Variants in GRB14 observed in about 807,000 individuals in gnomAD.
The protein encoded by GRB14 is growth factor receptor-bound protein 14.
In GRB14, 38 loss-of-function variants were observed where a neutral mutation model predicts 69.1. The observed-to-expected ratio is 0.55, with a 90% CI of 0.42 to 0.72. GRB14 has a LOEUF of 0.72. Among genes scored for constraint, GRB14 ranks in the 30% least tolerant of loss-of-function variants. The probability of loss-of-function intolerance (pLI) is 0.00; values close to 1 mark genes in which losing one functional copy is unlikely to be tolerated. For synonymous variants in GRB14, 247 were observed against 241.3 expected (o/e 1.02, Z -0.22); for missense variants, 666 against 666.1 (o/e 1.00, Z 0.00).
At chr2:164,595,863 A>T (rs374507479) in intron 2 of GRB14, among the ~76,000 whole-genome samples, 2 of 152,176 alleles carry the variant, frequency 1.3e-5, no homozygotes, top group South Asian at 2.1e-4. Flanking sequence ...CAGAGGCTCA[A>T]GCCTGTAATC....
intron 2 of GRB14, among the ~76,000 whole-genome samples, chr2:164,556,402 GTTAAA>G (rs904312093): frequency 6.6e-6 from 1 of 152,172 alleles, no homozygotes; most frequent in Non-Finnish European, 1.5e-5. Flanking sequence ...AACAGTACAT[GTTAAA>G]TTAGTTATAA....
In GRB14 at chr2:164,547,800, C is replaced by T; in HGVS notation, c.341G>A (p.Ser114Asn). 6.2e-7 allele frequency: 1 copy of T among 1,611,968 alleles called. No individual in the cohort carries two copies. Among genetic ancestry groups the T allele is most frequent in the Non-Finnish European group, 8.5e-7 (1 of 1,178,728 alleles). The change falls in exon 3 of 14, where the codon AGT (serine) becomes AAT (asparagine). Residue 114 changes from serine to asparagine, a missense_variant. Physicochemically the swap from Ser to Asn is conservative, Grantham distance 46. Coordinates refer to ENST00000263915, the MANE Select transcript of GRB14 (RefSeq NM_004490.3). ...SRKKQVIKVY[S>N]EDETSRALDV... ...TAAAGCCCTGCTGGTTTCATCTTCA[C>T]TGTATACTTTAATCACCTGTGTAGG...
intron 2 of GRB14, among the ~76,000 whole-genome samples, chr2:164,593,777 C>T (rs960180805): frequency 6.6e-6 from 1 of 152,112 alleles, no homozygotes; most frequent in Admixed American, 6.5e-5. Context: ...GGAGGGATGC[C>T]TTCAGGTGAA....
chr2:164,496,591 G>A (rs562344925), intron 12 of GRB14, among the ~76,000 whole-genome samples: 46 of 151,766 alleles, frequency 3.0e-4, no homozygotes, highest in Middle Eastern at 3.4e-3. Context: ...CTTAATACAT[G>A]TTGCATCATA....
At chr2:164,502,481 CT>C in intron 8 of GRB14, 146 bp from the exon 9 acceptor site, 1 of 558,912 alleles carries the variant, frequency 1.8e-6, no homozygotes, top group Non-Finnish European at 3.2e-6. Flanking sequence ...GAAAGATGAA[CT>C]TTTAGTGCCC....
At chr2:164,539,693 T>G (rs1005353887) in intron 3 of GRB14, 1 of 152,194 alleles carries the variant, frequency 6.6e-6, no homozygotes, top group Admixed American at 6.5e-5. Context: ...AAGCTTATCT[T>G]GGTCACTAAA....
intron 5 of GRB14, among the ~76,000 whole-genome samples, chr2:164,522,328 C>G (rs895199442): frequency 1.3e-5 from 2 of 151,954 alleles, no homozygotes; most frequent in African/African-American, 4.8e-5. Context: ...TTTCTATCTC[C>G]GTGTGTGTAT....
At chr2:164,603,656 C>A (rs1689977517) in intron 2 of GRB14, among the ~76,000 whole-genome samples, 1 of 94,978 alleles carries the variant, frequency 1.1e-5, no homozygotes, top group Non-Finnish European at 2.4e-5. Flanking sequence ...GAGTGAGACA[C>A]CACCTCAAAA....
chr2:164,493,589 G>T (rs1026686100), intron 13 of GRB14, among the ~76,000 whole-genome samples: 5 of 152,074 alleles, frequency 3.3e-5, no homozygotes, highest in Non-Finnish European at 7.4e-5. Flanking sequence ...AATTTTATGA[G>T]ATTTATTCTG....
At chr2:164,611,875 G>A (rs1690174605) in intron 2 of GRB14, among the ~76,000 whole-genome samples, 1 of 152,012 alleles carries the variant, frequency 6.6e-6, no homozygotes, top group Non-Finnish European at 1.5e-5. Context: ...GGCTAAGAGG[G>A]AGCTTCTAGG....
intron 8 of GRB14, among the ~76,000 whole-genome samples, chr2:164,505,024 T>C (rs913237049): frequency 1.3e-5 from 2 of 152,212 alleles, no homozygotes; most frequent in African/African-American, 4.8e-5. Flanking sequence ...GTAACTGGAT[T>C]CTCCTCTAGA....
rs1477833915 is a variant in GRB14, at chr2:164,499,442, C to CA, written c.1105-1953dup. ...AAATTAATAGTTTACCATTGGTGGA[C>CA]AAAAAAATGGAAGTAAAGCAGAGTC... is the stretch of plus-strand genomic sequence containing the variant. On this transcript the variant is annotated intron_variant, in intron 9 of 13. Coordinates refer to ENST00000263915, the MANE Select transcript of GRB14 (RefSeq NM_004490.3). Among the ~76,000 whole-genome samples, 40 of 152,010 alleles carry CA rather than the reference C, an allele frequency of 2.6e-4. 1 individual carries two copies. In the South Asian group the frequency reaches 2.9e-3, roughly 11 times the overall value.
At chr2:164,619,551 C>A (rs979409700) in intron 2 of GRB14, 136 bp downstream of exon 2, 10 of 603,342 alleles carry the variant, frequency 1.7e-5, no homozygotes, top group Non-Finnish European at 2.9e-5. Context: ...TGCCAAAGGA[C>A]CATGTCAGTC....
chr2:164,531,549 G>A (rs1218552560), intron 3 of GRB14, among the ~76,000 whole-genome samples: 1 of 152,152 alleles, frequency 6.6e-6, no homozygotes, highest in Admixed American at 6.5e-5. Context: ...TGTCACAGTA[G>A]ACTTTATCAA....
At chr2:164,604,815 C>A (rs781665742) in intron 2 of GRB14, among the ~76,000 whole-genome samples, 25 of 152,014 alleles carry the variant, frequency 1.6e-4, no homozygotes, top group Admixed American at 5.9e-4. Context: ...ATAGGTAAAT[C>A]CATACAAACA....
At chr2:164,512,323 C>T (rs1033391230) in intron 6 of GRB14, among the ~76,000 whole-genome samples, 12 of 152,072 alleles carry the variant, frequency 7.9e-5, no homozygotes, top group African/African-American at 2.9e-4. Flanking sequence ...TGTGCCACCA[C>T]GCCTGGCTAA....
chr2:164,500,177 G>C (rs760625325), intron 9 of GRB14, among the ~76,000 whole-genome samples: 11 of 152,160 alleles, frequency 7.2e-5, no homozygotes, highest in African/African-American at 7.2e-5. Flanking sequence ...ATTGATAAAT[G>C]CTCCTTTAAA....
intron 3 of GRB14, among the ~76,000 whole-genome samples, chr2:164,531,942 C>T (rs981318374): frequency 5.1e-4 from 78 of 152,226 alleles, no homozygotes; most frequent in Admixed American, 2.0e-3. Context: ...CATCCCAGTA[C>T]GGGGCAAGAG....
At chr2:164,511,802 C>G (rs1687344980) in intron 6 of GRB14, among the ~76,000 whole-genome samples, 1 of 152,118 alleles carries the variant, frequency 6.6e-6, no homozygotes, top group Non-Finnish European at 1.5e-5. Context: ...AGCTCGGCCA[C>G]AGATGGATAG....
Sources: allele counts gnomAD v4.1 joint callset (sites outside exome capture counted in the v4.1 genomes callset), GRCh38; gene constraint gnomAD v4.1.1; transcripts MANE v1.5; gene names NCBI Gene and HGNC (gene_info 2026-07-23, HGNC 2026-07-21).